PRSS12: variants seen among roughly 807,000 people sequenced by gnomAD.
PRSS12 encodes neurotrypsin.
PRSS12 carries 85 observed loss-of-function variants against 104.4 expected under a neutral mutation model. The observed-to-expected ratio is 0.81, with a 90% CI of 0.68 to 0.98. PRSS12 has a LOEUF of 0.98. Among genes scored for constraint, PRSS12 ranks in the 50% least tolerant of loss-of-function variants. The probability of loss-of-function intolerance (pLI) is 0.00; values close to 1 mark genes in which losing one functional copy is unlikely to be tolerated. For synonymous variants in PRSS12, 454 were observed against 425.2 expected, an observed-to-expected ratio of 1.07 and a Z score of -0.83; for missense variants, 1,141 against 1,139.2, an observed-to-expected ratio of 1.00 and a Z score of -0.02.
intron 11 of PRSS12, among the ~76,000 whole-genome samples, chr4:118,294,516 T>C (rs1743209594): frequency 6.6e-6 from 1 of 152,112 alleles, no homozygotes; most frequent in Non-Finnish European, 1.5e-5. Context: ...GAATGAAACA[T>C]ATGCAACCTT....
chr4:118,298,632 G>A (rs1026883988), intron 9 of PRSS12, 101 bp downstream of exon 9: 13 of 1,193,426 alleles, frequency 1.1e-5, no homozygotes, highest in South Asian at 3.8e-5. Context: ...ATCTGTATAC[G>A]TTCTTGTTGT....
intron 3 of PRSS12, among the ~76,000 whole-genome samples, chr4:118,334,337 T>A (rs887230600): frequency 6.6e-6 from 1 of 152,138 alleles, no homozygotes; most frequent in East Asian, 1.9e-4. Context: ...TAATTATTTT[T>A]AAAATTTTTT....
intron 9 of PRSS12, among the ~76,000 whole-genome samples, chr4:118,298,289 C>A (rs1162082023): frequency 2.0e-5 from 3 of 152,076 alleles, no homozygotes; most frequent in African/African-American, 7.2e-5. Flanking sequence ...TACAAAACAT[C>A]ATTTTCTTTT....
Position 118,352,486 on chromosome 4 carries a change from C to T in PRSS12, c.235G>A (p.Ala79Thr), listed in dbSNP as rs767822958. 1 of 1,376,038 alleles carries T rather than the reference C, an allele frequency of 7.3e-7. No homozygotes were observed. Among genetic ancestry groups the T allele is most frequent in the Non-Finnish European group, 9.3e-7 (1 of 1,071,148 alleles). 85.2% of individuals were successfully genotyped at this position (1,376,038 alleles called of 1,614,324 possible). ...PRALPAQRPH[A>T]LQAGHTPRPH... The stretch of plus-strand genomic sequence containing the variant: ...CGGGGCGTGTGCCCGGCCTGGAGGG[C>T]GTGCGGGCGCTGGGCAGGGAGCGCC... Residue 79 changes from alanine (A) to threonine (T), a missense_variant, in exon 1 of 13, where the codon GCC becomes ACC. By Grantham distance (58) the Ala-to-Thr change is moderately conservative (BLOSUM62 0). Transcript: ENST00000296498.
chr4:118,281,094 G>C lies in PRSS12; in HGVS notation c.*842C>G, dbSNP rs886059025. ...ACCTGCAGGTATAAGTCAGTTACAG[G>C]GAAGTGTCAGTGGGTGGCACTCTTA... is the stretch of plus-strand genomic sequence containing the variant. On this transcript the variant is annotated 3_prime_UTR_variant, in exon 13 of 13. Transcript: ENST00000296498. The C allele has an allele frequency of 6.6e-6, 1 of 152,242 alleles. No individual in the cohort carries two copies. The highest frequency in any genetic ancestry group is 1.9e-4 in the East Asian group (1 of 5,202). The allele number at this position is 152,242 out of a possible 1,614,324, so 9.4% of individuals were successfully genotyped here. A position where few individuals can be genotyped will look rare whatever the true frequency, so the allele number is the denominator to read the frequency against.
At chr4:118,341,905 T>C (rs1048270154) in intron 1 of PRSS12, among the ~76,000 whole-genome samples, 3 of 152,306 alleles carry the variant, frequency 2.0e-5, no homozygotes, top group Non-Finnish European at 4.4e-5. Context: ...TTATGCATTA[T>C]ACCATGTTAG....
At chr4:118,298,522 C>G (rs543128180) in intron 9 of PRSS12, among the ~76,000 whole-genome samples, 5 of 152,144 alleles carry the variant, frequency 3.3e-5, no homozygotes, top group Admixed American at 2.0e-4. Flanking sequence ...TACAAGGCCC[C>G]GTAAATTCAT....
intron 1 of PRSS12, 80 bp from the exon 2 acceptor site, chr4:118,338,394 A>G: frequency 1.3e-6 from 2 of 1,551,164 alleles, no homozygotes; most frequent in South Asian, 1.1e-5. Context: ...GGTTAACATG[A>G]TTTTTAAACT....
chr4:118,339,289 A>T (rs1367242060), intron 1 of PRSS12, among the ~76,000 whole-genome samples: 2 of 152,184 alleles, frequency 1.3e-5, no homozygotes, highest in African/African-American at 4.8e-5. Context: ...GGCCTTTCAC[A>T]GGTAAGAAAA....
At chr4:118,343,568 A>G (rs1724270569) in intron 1 of PRSS12, among the ~76,000 whole-genome samples, 1 of 152,182 alleles carries the variant, frequency 6.6e-6, no homozygotes, top group Non-Finnish European at 1.5e-5. Context: ...TTCAGCCTGG[A>G]TAACATAGCA....
intron 12 of PRSS12, among the ~76,000 whole-genome samples, 153 bp downstream of exon 12, chr4:118,282,678 A>G (rs17642125): frequency 0.012 from 1,857 of 152,358 alleles, 34 homozygotes; most frequent in East Asian, 0.084. Context: ...CCTCCAGAAT[A>G]TAAGTCTCAA....
intron 1 of PRSS12, among the ~76,000 whole-genome samples, chr4:118,349,773 CG>C (rs922786131): frequency 6.6e-6 from 1 of 152,100 alleles, no homozygotes; most frequent in African/African-American, 2.4e-5. Context: ...AAGGCAGAGG[CG>C]GGTGGATGGC....
chr4:118,352,511 C>CCGCGGGGGGCGCGGGAAG lies in PRSS12; in HGVS notation c.192_209dup (p.Phe65_Arg70dup). On this transcript the variant is annotated inframe_insertion, in exon 1 of 13. Coordinates refer to ENST00000296498, the MANE Select transcript of PRSS12 (RefSeq NM_003619.4). ...CGTGCGGGCGCTGGGCAGGGAGCGC[C>CCGCGGGGGGCGCGGGAAG]CGCGGGGGGCGCGGGAAGCGCGGGA... The CCGCGGGGGGCGCGGGAAG allele has an allele frequency of 6.9e-7, 1 of 1,448,132 alleles. No individual in the cohort carries two copies. Among genetic ancestry groups the CCGCGGGGGGCGCGGGAAG allele is most frequent in the Non-Finnish European group, 9.1e-7 (1 of 1,097,704 alleles). 89.7% of individuals were successfully genotyped at this position (1,448,132 alleles called of 1,614,324 possible).
chr4:118,342,813 A>G (rs569857854), intron 1 of PRSS12, among the ~76,000 whole-genome samples: 2 of 152,370 alleles, frequency 1.3e-5, no homozygotes, highest in South Asian at 4.1e-4. Context: ...AAAAATGTTT[A>G]ACTGTTAAAC....
intron 8 of PRSS12, among the ~76,000 whole-genome samples, chr4:118,300,365 G>A (rs1406168377): frequency 6.6e-6 from 1 of 151,790 alleles, no homozygotes; most frequent in Admixed American, 6.6e-5. Context: ...ATGACTAAAT[G>A]GCAGATTTAC....
intron 1 of PRSS12, among the ~76,000 whole-genome samples, chr4:118,350,570 C>T (rs1450214173): frequency 6.6e-6 from 1 of 152,158 alleles, no homozygotes; most frequent in East Asian, 1.9e-4. Context: ...AATCACTTTA[C>T]TCCAGGAAGT....
chr4:118,305,101 T>TTATATA (rs35049135), intron 8 of PRSS12, among the ~76,000 whole-genome samples: 1 of 146,820 alleles, frequency 6.8e-6, no homozygotes, highest in African/African-American at 2.5e-5. Context: ...TGTTTATAAT[T>TTATATA]TATATATATA....
At position 118,352,302 on chromosome 4, in the gene PRSS12, C is replaced by A. The variant is rs775377995; in HGVS notation, c.419G>T (p.Ser140Ile). ...CCAGGGTCTGCCCGCGCCGTCGGGGCTCCGACAAAAGTTGTGGCGCTGTCC... is the reference window on the plus strand; with the variant it reads ...CCAGGGTCTGCCCGCGCCGTCGGGGATCCGACAAAAGTTGTGGCGCTGTCC... Reference protein sequence around the residue: ...LRGQRHNFCRSPDGAGRPWCF... With the variant: ...LRGQRHNFCRIPDGAGRPWCF... The change falls in exon 1 of 13, where the codon AGC becomes ATC. Residue 140 changes from serine (S) to isoleucine (I), a missense_variant. By Grantham distance (142) the Ser-to-Ile change is moderately radical. Transcript: ENST00000296498. 5.2e-5 allele frequency: 83 copies of A among 1,602,022 alleles called. No homozygotes were observed. Among genetic ancestry groups the A allele is most frequent in the Non-Finnish European group, 6.1e-5 (72 of 1,176,616 alleles).
intron 3 of PRSS12, among the ~76,000 whole-genome samples, chr4:118,334,253 A>T (rs1724007231): frequency 1.3e-5 from 2 of 152,192 alleles, no homozygotes; most frequent in African/African-American, 4.8e-5. Context: ...TTGCAACCAG[A>T]ATATAAACAG....
Sources: allele counts gnomAD v4.1 joint callset (sites outside exome capture counted in the v4.1 genomes callset), GRCh38; gene constraint gnomAD v4.1.1; transcripts MANE v1.5; gene names NCBI Gene and HGNC (gene_info 2026-07-23, HGNC 2026-07-21).